Variants in LUC7L2 observed in about 807,000 individuals in gnomAD.
LUC7L2 encodes the protein putative RNA-binding protein Luc7-like 2.
In LUC7L2, 25 loss-of-function variants were observed where a neutral mutation model predicts 52.8. The observed-to-expected ratio is 0.47, with a 90% confidence interval of 0.34 to 0.66. The LOEUF (loss-of-function observed/expected upper bound fraction) is 0.66, where lower values mean the gene tolerates loss of function less well. Ranked by LOEUF, LUC7L2 falls within the 30% of genes least tolerant of loss-of-function variation. The pLI, the probability that LUC7L2 is intolerant of heterozygous loss-of-function variation, is 0.01. For synonymous variants in LUC7L2, 144 were observed against 160.9 expected (o/e 0.89, Z 0.80); for missense variants, 328 against 497.8 (o/e 0.66, Z 3.25).
intron 8 of LUC7L2, 149 bp from the exon 9 acceptor site, chr7:139,417,389 C>T (rs1270100700): frequency 5.0e-6 from 5 of 1,005,012 alleles, no homozygotes; most frequent in Middle Eastern, 3.0e-4. Flanking sequence ...GTTATTAACA[C>T]ACCAGCAATT....
At chr7:139,390,557 G>T (rs1414982307) in intron 2 of LUC7L2, among the ~76,000 whole-genome samples, 7 of 125,192 alleles carry the variant, frequency 5.6e-5, no homozygotes, top group Non-Finnish European at 6.5e-5. Flanking sequence ...AGACAATGTA[G>T]TTTTTTTTTT....
intron 2 of LUC7L2, among the ~76,000 whole-genome samples, chr7:139,398,097 G>C (rs1001635857): frequency 6.6e-6 from 1 of 152,148 alleles, no homozygotes; most frequent in African/African-American, 2.4e-5. Flanking sequence ...GGGCTCAAGC[G>C]ATCCTCCTGC....
At chr7:139,355,559 A>G (rs1799583540), upstream of LUC7L2, among the ~76,000 whole-genome samples, 1 of 152,226 alleles carries the variant, frequency 6.6e-6, no homozygotes, top group Admixed American at 6.5e-5. Context: ...GAACTATAAA[A>G]TGACATTATA....
intron 7 of LUC7L2, among the ~76,000 whole-genome samples, chr7:139,411,616 A>G (rs530832547): frequency 6.6e-6 from 1 of 152,154 alleles, no homozygotes; most frequent in South Asian, 2.1e-4. Context: ...ACAATGCTAT[A>G]TATCATCCAA....
At chr7:139,395,229 C>T (rs1456769098) in intron 2 of LUC7L2, among the ~76,000 whole-genome samples, 1 of 152,230 alleles carries the variant, frequency 6.6e-6, no homozygotes, top group Admixed American at 6.5e-5. Context: ...ACAATGACAG[C>T]ATCCTTCTGC....
At chr7:139,378,097 C>T (rs189264030) in intron 2 of LUC7L2, among the ~76,000 whole-genome samples, 1 of 152,074 alleles carries the variant, frequency 6.6e-6, no homozygotes, top group Non-Finnish European at 1.5e-5. Flanking sequence ...GGATTACAAG[C>T]GTGACCCACT....
intron 3 of LUC7L2, among the ~76,000 whole-genome samples, chr7:139,400,257 AGCACTTTGGGAGGCCG>A (rs1569387001): frequency 1.3e-5 from 2 of 152,174 alleles, no homozygotes; most frequent in African/African-American, 2.4e-5. Flanking sequence ...CTGTAATCCC[AGCACTTTGGGAGGCCG>A]AGGCAGGGGT....
intron 1 of LUC7L2, among the ~76,000 whole-genome samples, chr7:139,368,621 C>G (rs1800285614): frequency 6.6e-6 from 1 of 151,708 alleles, no homozygotes; most frequent in African/African-American, 2.4e-5. Context: ...GCCTGTAATC[C>G]CAGCCACCCG....
chr7:139,343,556 G>T (rs1473485648), intron 1 of LUC7L2, among the ~76,000 whole-genome samples: 2 of 152,112 alleles, frequency 1.3e-5, no homozygotes, highest in Non-Finnish European at 1.5e-5. Context: ...CTCCAGCATA[G>T]GCCACGGAGC....
intron 9 of LUC7L2, 128 bp downstream of exon 9, chr7:139,417,857 A>T: frequency 7.8e-7 from 1 of 1,282,654 alleles, no homozygotes; most frequent in Non-Finnish European, 1.0e-6. Context: ...TAATATGTAC[A>T]CATTTATGTG....
At chr7:139,419,553 G>C (rs1440462898) in intron 9 of LUC7L2, among the ~76,000 whole-genome samples, 1 of 152,178 alleles carries the variant, frequency 6.6e-6, no homozygotes, top group Non-Finnish European at 1.5e-5. Flanking sequence ...TATCCTGCTA[G>C]GTGATGGAAG....
At chr7:139,354,464 C>T (rs934364931) in intron 1 of LUC7L2, among the ~76,000 whole-genome samples, 13 of 152,220 alleles carry the variant, frequency 8.5e-5, no homozygotes, top group Non-Finnish European at 4.4e-5. Context: ...CGGGTTCAAG[C>T]GATTCCCCTG....
chr7:139,408,614 C>T (rs552056907), intron 6 of LUC7L2, among the ~76,000 whole-genome samples: 439 of 151,980 alleles, frequency 2.9e-3, no homozygotes, highest in Middle Eastern at 6.8e-3. Context: ...GAGGCCAAGG[C>T]GGGCGGATCA....
At chr7:139,379,477 A>AT (rs1264187478) in intron 2 of LUC7L2, among the ~76,000 whole-genome samples, 1 of 140,808 alleles carries the variant, frequency 7.1e-6, no homozygotes, top group Non-Finnish European at 1.5e-5. Context: ...TTAGTTTGGA[A>AT]TTTTTTGCAA....
chr7:139,400,839 G>T (rs1794880265), intron 3 of LUC7L2, among the ~76,000 whole-genome samples: 1 of 152,130 alleles, frequency 6.6e-6, no homozygotes, highest in South Asian at 2.1e-4. Flanking sequence ...CAAATTAAAA[G>T]AAATTAACTA....
At chr7:139,422,042 C>T in intron 9 of LUC7L2, 121 bp from the exon 10 acceptor site, 1 of 1,403,960 alleles carries the variant, frequency 7.1e-7, no homozygotes, top group Non-Finnish European at 9.3e-7. Context: ...ACTGACTCCT[C>T]TGTCATGGGT....
rs1167808353 is a variant in LUC7L2, at chr7:139,341,123, C to G, written c.-26+606C>G. ...TCAATGACGCAGTGAAGAAAAGCCC[C>G]TGTTTCCCCAAACCCTTGTTCTGGG... On this transcript the variant is annotated intron_variant, in intron 1 of 10. Coordinates refer to the LUC7L2 transcript ENST00000541170. 7.4e-6 allele frequency: 3 copies of G among 403,162 alleles called. No homozygotes were observed. In the East Asian group the frequency reaches 1.4e-4, roughly 19 times the overall value. 25.0% of individuals were successfully genotyped at this position (403,162 alleles called of 1,614,324 possible).
chr7:139,348,990 G>A (rs141574599), intron 1 of LUC7L2, among the ~76,000 whole-genome samples: 2 of 150,628 alleles, frequency 1.3e-5, no homozygotes, highest in African/African-American at 2.5e-5. Flanking sequence ...GTGAAACCCC[G>A]TTTGTACTAA....
intron 1 of LUC7L2, chr7:139,375,832 T>C (rs1800677778): frequency 7.1e-6 from 3 of 423,332 alleles, no homozygotes; most frequent in Non-Finnish European, 8.1e-6. Flanking sequence ...TTTAACAGAA[T>C]GCATTGCTTT....
Sources: gnomAD v4.1 joint callset for allele counts (sites outside exome capture counted in the v4.1 genomes callset) on GRCh38, gnomAD v4.1.1 for gene constraint, MANE v1.5 for transcripts, NCBI Gene and HGNC (gene_info 2026-07-23, HGNC 2026-07-21) for gene names.